The following IKBKG variants were observed in gnomAD, a reference collection of about 807,000 sequenced individuals.
IKBKG encodes the protein inhibitor of nuclear factor kappa B kinase regulatory subunit gamma.
A neutral mutation model predicts 13.7 loss-of-function variants in IKBKG; 2 were observed. The ratio of observed to expected loss-of-function variants is 0.15; its 90% CI spans 0.06 to 0.46. The LOEUF is 0.46. Among genes scored for constraint, IKBKG ranks in the 20% least tolerant of loss-of-function variants. IKBKG has a pLI of 0.98. For missense variants in IKBKG, 53 were observed against 150.3 expected (o/e 0.35, Z 3.39); for synonymous variants, 22 against 64.4 (o/e 0.34, Z 3.15).
chrX:154,545,262 C>G (rs782672103), upstream of IKBKG, among the ~76,000 whole-genome samples: 5 of 111,348 alleles, frequency 4.5e-5, no homozygotes, highest in Non-Finnish European at 9.4e-5. Flanking sequence ...TGGGGTGAGG[C>G]AGAGCTCCTT....
chrX:154,545,048 T>G (rs906777247), upstream of IKBKG, among the ~76,000 whole-genome samples: 2 of 111,492 alleles, frequency 1.8e-5, no homozygotes, highest in Non-Finnish European at 3.8e-5. Flanking sequence ...CACGTGTAAT[T>G]TGAGATGAAG....
At chrX:154,552,214 G>T in intron 2 of IKBKG, 25 bp downstream of exon 2, 1 of 1,150,474 alleles carries the variant, frequency 8.7e-7, no homozygotes, top group Non-Finnish European at 1.2e-6. Context: ...AGGGGATCCA[G>T]CCCTGCTGAG....
upstream of IKBKG, chrX:154,546,967 C>A (rs1291716447): frequency 3.2e-5 from 10 of 316,645 alleles, no homozygotes; most frequent in Admixed American, 7.2e-4. Context: ...CTCGTGCGGG[C>A]GGGGCGGGGC....
chrX:154,542,543 C>A (rs1009960467), upstream of IKBKG: 11 of 1,048,025 alleles, frequency 1.0e-5, no homozygotes, highest in Non-Finnish European at 1.3e-5. Flanking sequence ...CCATCAGGGC[C>A]CCCAGGAAGG....
At chrX:154,546,734 C>T, upstream of IKBKG, 1 of 979,593 alleles carries the variant, frequency 1.0e-6, no homozygotes, top group Non-Finnish European at 1.4e-6. Flanking sequence ...CGCCGCGCGG[C>T]GCAGCGCGGG....
chrX:154,542,463 C>T (rs930601658), upstream of IKBKG: 13 of 1,168,598 alleles, frequency 1.1e-5, no homozygotes, highest in East Asian at 6.3e-5. Context: ...GTAAGTACCT[C>T]GGCTCCCTTT....
chrX:154,545,153 C>T (rs782458844), upstream of IKBKG, among the ~76,000 whole-genome samples: 60 of 111,441 alleles, frequency 5.4e-4, no homozygotes, highest in African/African-American at 1.8e-3. Context: ...AGGACCACCC[C>T]TCCCTCCCCT....
At chrX:154,547,815 A>T (rs1409606537) in intron 1 of IKBKG, 70 bp downstream of exon 1, 1 of 753,289 alleles carries the variant, frequency 1.3e-6, no homozygotes, top group Non-Finnish European at 1.6e-6. Flanking sequence ...CTTCCCCCGG[A>T]CGTTCAGGCT....
At chrX:154,548,949 C>T (rs782330356) in intron 1 of IKBKG, among the ~76,000 whole-genome samples, 14 of 109,608 alleles carry the variant, frequency 1.3e-4, no homozygotes, top group African/African-American at 4.6e-4. Flanking sequence ...ATATCCCTCG[C>T]AATCCTCTCC....
chrX:154,553,333 T>G (rs782253209), intron 2 of IKBKG, among the ~76,000 whole-genome samples: 2 of 112,723 alleles, frequency 1.8e-5, no homozygotes, highest in Non-Finnish European at 3.8e-5. Context: ...TGGACTGTGG[T>G]CCGAGATGTT....
upstream of IKBKG, among the ~76,000 whole-genome samples, chrX:154,543,931 G>A (rs1249851293): frequency 1.9e-5 from 2 of 106,637 alleles, no homozygotes; most frequent in East Asian, 2.9e-4. Context: ...GCAGTGTTGC[G>A]ATTTCTGCTC....
At chrX:154,544,243 CCT>C (rs782254253), upstream of IKBKG, among the ~76,000 whole-genome samples, 1 of 109,970 alleles carries the variant, frequency 9.1e-6, no homozygotes, top group South Asian at 3.9e-4. Context: ...CTCACTGCAA[CCT>C]CTGACTCCCT....
At chrX:154,553,667 A>C (rs2070994068) in intron 2 of IKBKG, among the ~76,000 whole-genome samples, 1 of 112,747 alleles carries the variant, frequency 8.9e-6, no homozygotes, top group African/African-American at 3.2e-5. Context: ...TGTACGTTGT[A>C]GGGTGTGGAG....
intron 1 of IKBKG, chrX:154,548,042 A>T: frequency 1.3e-6 from 1 of 754,776 alleles, no homozygotes; most frequent in Middle Eastern, 7.6e-4. Flanking sequence ...CGCTCTATCG[A>T]GGTCGTTAAA....
intron 2 of IKBKG, among the ~76,000 whole-genome samples, chrX:154,554,494 C>T (rs2071010526): frequency 8.9e-6 from 1 of 112,584 alleles, no homozygotes; most frequent in Non-Finnish European, 1.9e-5. Flanking sequence ...TGCAGTGGCT[C>T]ATGCCTGTAA....
At chrX:154,551,494 G>C (rs2070930814) in intron 1 of IKBKG, among the ~76,000 whole-genome samples, 1 of 111,315 alleles carries the variant, frequency 9.0e-6, no homozygotes, top group Non-Finnish European at 1.9e-5. Context: ...TGGATTTAGG[G>C]CCCACCCACG....
upstream of IKBKG, chrX:154,547,513 C>T: frequency 1.3e-6 from 1 of 755,125 alleles, no homozygotes; most frequent in Non-Finnish European, 1.6e-6. Flanking sequence ...AGACTTCTCT[C>T]CGGAGCGGGA....
chrX:154,547,277 G>A, upstream of IKBKG: 1 of 726,390 alleles, frequency 1.4e-6, no homozygotes, highest in Non-Finnish European at 1.6e-6. Context: ...GGGGCCTTCT[G>A]CCGCGCCACT....
upstream of IKBKG, chrX:154,546,876 C>T: frequency 9.3e-7 from 1 of 1,071,629 alleles, no homozygotes; most frequent in Non-Finnish European, 1.2e-6. Flanking sequence ...CCCATTTAAT[C>T]GGCGGGGGCG....
Sources: gnomAD v4.1 joint callset for allele counts (sites outside exome capture counted in the v4.1 genomes callset) on GRCh38, gnomAD v4.1.1 for gene constraint, MANE v1.5 for transcripts, NCBI Gene and HGNC (gene_info 2026-07-23, HGNC 2026-07-21) for gene names.